CRYBG1: variants seen among roughly 807,000 people sequenced by gnomAD.
CRYBG1 encodes crystallin beta-gamma domain containing 1, also known as beta/gamma crystallin domain-containing protein 1.
Under a neutral mutation model 189.2 loss-of-function variants are expected in CRYBG1, and 139 were observed. That is an observed-to-expected ratio of 0.73 (90% CI 0.64 to 0.85). CRYBG1 has a LOEUF of 0.85. Among genes scored for constraint, CRYBG1 ranks in the 40% least tolerant of loss-of-function variants. The pLI is 0.00. For missense variants in CRYBG1, 2,611 were observed against 2,675.8 expected, an observed-to-expected ratio of 0.98 and a Z score of 0.53; for synonymous variants, 1,023 against 1,017.1, an observed-to-expected ratio of 1.01 and a Z score of -0.11.
chr6:106,362,699 A>G (rs1771903263), intron 1 of CRYBG1, among the ~76,000 whole-genome samples: 1 of 152,220 alleles, frequency 6.6e-6, no homozygotes, highest in Non-Finnish European at 1.5e-5. Flanking sequence ...CCACATTGGT[A>G]ATCAGTTGTA....
intron 1 of CRYBG1, among the ~76,000 whole-genome samples, chr6:106,369,142 C>T (rs510405): frequency 0.66 from 99,767 of 152,030 alleles, 32,805 homozygotes; most frequent in East Asian, 0.72. Flanking sequence ...TACCAGGAGG[C>T]CCAAGGACAT....
At chr6:106,386,918 T>A (rs951616085) in intron 1 of CRYBG1, among the ~76,000 whole-genome samples, 1 of 152,176 alleles carries the variant, frequency 6.6e-6, no homozygotes, top group Non-Finnish European at 1.5e-5. Flanking sequence ...GAGACAGGGT[T>A]GATTTGGAAA....
chr6:106,445,388 G>A (rs547195202), intron 1 of CRYBG1, among the ~76,000 whole-genome samples: 10 of 152,090 alleles, frequency 6.6e-5, no homozygotes, highest in African/African-American at 2.2e-4. Flanking sequence ...AATATCTCTG[G>A]GCCTCAATGA....
chr6:106,364,553 T>C (rs1427387541), intron 1 of CRYBG1, among the ~76,000 whole-genome samples: 5 of 152,228 alleles, frequency 3.3e-5, no homozygotes, highest in Non-Finnish European at 7.3e-5. Flanking sequence ...CATATGATGT[T>C]ATTTTTCACA....
At chr6:106,439,016 A>G (rs1296177210) in intron 1 of CRYBG1, among the ~76,000 whole-genome samples, 1 of 151,274 alleles carries the variant, frequency 6.6e-6, no homozygotes, top group African/African-American at 2.4e-5. Context: ...CCTGGGAAAC[A>G]TAGTGAGACC....
intron 13 of CRYBG1, among the ~76,000 whole-genome samples, chr6:106,549,907 T>G (rs1774357163): frequency 6.6e-6 from 1 of 152,210 alleles, no homozygotes; most frequent in South Asian, 2.1e-4. Context: ...TGTGGACTGT[T>G]TTAGGCATGG....
At chr6:106,558,043 A>T (rs1005034093) in intron 17 of CRYBG1, among the ~76,000 whole-genome samples, 1 of 152,162 alleles carries the variant, frequency 6.6e-6, no homozygotes, top group South Asian at 2.1e-4. Context: ...AAATACATAC[A>T]AGAGGAAGGT....
rs1201347361 is a variant in CRYBG1, at chr6:106,530,197, G to C, written c.4600G>C (p.Asp1534His). ...TCAGGATTACAGAGTTAGTCACATT[G>C]ACTTATTTACTGAACCAGAAGGGTT... The part of the protein sequence containing the change: ...VVQDYRVSHI[D>H]LFTEPEGLGI... The change falls in exon 8 of 22, where the codon GAC becomes CAC. Residue 1534 changes from aspartate (D) to histidine (H), a missense_variant. Transcript: ENST00000633556. 1.2e-6 allele frequency: 2 copies of C among 1,611,638 alleles called. No homozygotes were observed. Among genetic ancestry groups the C allele is most frequent in the African/African-American group, 2.7e-5 (2 of 74,750 alleles).
intron 1 of CRYBG1, among the ~76,000 whole-genome samples, chr6:106,369,750 A>G (rs1350741331): frequency 1.3e-5 from 2 of 152,254 alleles, no homozygotes; most frequent in African/African-American, 2.4e-5. Context: ...TTCAATATGC[A>G]CTATGTATCA....
In CRYBG1 at chr6:106,419,536, C is replaced by T. The variant is rs1771086869; in HGVS notation, c.174-32158C>T. On this transcript the variant is annotated intron_variant, in intron 1 of 21. Transcript: ENST00000633556. The stretch of plus-strand genomic sequence containing the variant: ...TAGCTGGGACTACAGGCACACACAA[C>T]TGTGCCAGGTGAATTGTTAAAATTT... Among the ~76,000 whole-genome samples, 2 of 152,178 alleles carry T rather than the reference C, an allele frequency of 1.3e-5. 1 individual carries two copies. The highest frequency in any genetic ancestry group is 4.1e-4 in the South Asian group (2 of 4,832).
At chr6:106,379,316 C>T (rs1770240909) in intron 1 of CRYBG1, among the ~76,000 whole-genome samples, 1 of 151,054 alleles carries the variant, frequency 6.6e-6, no homozygotes, top group Admixed American at 6.6e-5. Flanking sequence ...GGCTGGAGTG[C>T]AGTGGCATGA....
At chr6:106,541,535 T>C (rs1366728436) in intron 9 of CRYBG1, 51 bp from the exon 10 acceptor site, 2 of 1,546,790 alleles carry the variant, frequency 1.3e-6, no homozygotes, top group South Asian at 2.2e-5. Context: ...TAATATAAAA[T>C]GGTAATGTAT....
intron 1 of CRYBG1, among the ~76,000 whole-genome samples, chr6:106,436,916 C>A (rs1582762148): frequency 6.8e-6 from 1 of 146,442 alleles, no homozygotes. Context: ...TAACCCCCCC[C>A]ACCCCCGAGT....
At chr6:106,398,041 A>G (rs1770646665) in intron 1 of CRYBG1, among the ~76,000 whole-genome samples, 1 of 152,190 alleles carries the variant, frequency 6.6e-6, no homozygotes, top group African/African-American at 2.4e-5. Flanking sequence ...ATATGACACA[A>G]TAAGTACCTA....
intron 1 of CRYBG1, among the ~76,000 whole-genome samples, chr6:106,392,894 C>T (rs1301321838): frequency 6.6e-6 from 1 of 152,118 alleles, no homozygotes; most frequent in Non-Finnish European, 1.5e-5. Flanking sequence ...CCTGTCTCAG[C>T]CTCCCGAGTA....
intron 1 of CRYBG1, among the ~76,000 whole-genome samples, chr6:106,415,760 A>G (rs557876804): frequency 5.5e-4 from 83 of 152,152 alleles, no homozygotes; most frequent in African/African-American, 2.0e-3. Flanking sequence ...TAGTTGGTGC[A>G]CTTTGACTGG....
chr6:106,466,886 A>G (rs887623682), intron 2 of CRYBG1, among the ~76,000 whole-genome samples: 5 of 152,246 alleles, frequency 3.3e-5, no homozygotes, highest in South Asian at 2.1e-4. Context: ...GAGCAAAGAC[A>G]TATTTGTGAT....
At chr6:106,527,159 G>C (rs538805861) in intron 6 of CRYBG1, 146 bp from the exon 7 acceptor site, 1 of 557,008 alleles carries the variant, frequency 1.8e-6, no homozygotes, top group South Asian at 3.7e-5. Flanking sequence ...TTAGTGTTAG[G>C]GAGAGTTTAA....
At chr6:106,563,202 C>A (rs1267792201) in intron 20 of CRYBG1, among the ~76,000 whole-genome samples, 1 of 152,194 alleles carries the variant, frequency 6.6e-6, no homozygotes, top group Admixed American at 6.5e-5. Context: ...TTAAAACACC[C>A]TCTAGTGAGT....
Sources: gnomAD v4.1 joint callset for allele counts (sites outside exome capture counted in the v4.1 genomes callset) on GRCh38, gnomAD v4.1.1 for gene constraint, MANE v1.5 for transcripts, NCBI Gene and HGNC (gene_info 2026-07-23, HGNC 2026-07-21) for gene names.